Variants in CDH13 observed in about 807,000 individuals in gnomAD.
CDH13 encodes the protein cadherin-13.
In CDH13, 24 loss-of-function variants were observed where a neutral mutation model predicts 63.8. That is an observed-to-expected ratio of 0.38 (90% CI 0.27 to 0.53). CDH13 has a LOEUF of 0.53. Among genes scored for constraint, CDH13 ranks in the 20% least tolerant of loss-of-function variants. The probability of loss-of-function intolerance (pLI) is 0.85; values close to 1 mark genes in which losing one functional copy is unlikely to be tolerated. For synonymous variants in CDH13, 503 were observed against 355.3 expected, an observed-to-expected ratio of 1.42 and a Z score of -4.67; for missense variants, 1,049 against 903.1, an observed-to-expected ratio of 1.16 and a Z score of -2.07.
intron 8 of CDH13, among the ~76,000 whole-genome samples, chr16:83,636,700 G>A (rs374471522): frequency 1.4e-4 from 21 of 152,152 alleles, no homozygotes; most frequent in Admixed American, 4.6e-4. Context: ...TTGCTGTTGT[G>A]TATAGTGCTG....
intron 8 of CDH13, among the ~76,000 whole-genome samples, chr16:83,652,737 G>A (rs1020653766): frequency 1.3e-5 from 2 of 152,278 alleles, no homozygotes; most frequent in Non-Finnish European, 2.9e-5. Context: ...GTTAACAAAT[G>A]ACTTGAATCC....
intron 8 of CDH13, among the ~76,000 whole-genome samples, chr16:83,618,142 C>T (rs151107927): frequency 0.017 from 2,306 of 134,376 alleles, 30 homozygotes; most frequent in South Asian, 0.025. Context: ...AAAGCACTTG[C>T]GGCCAGGCAT....
At chr16:82,978,967 AG>A (rs1909897321) in intron 2 of CDH13, among the ~76,000 whole-genome samples, 2 of 152,180 alleles carry the variant, frequency 1.3e-5, no homozygotes, top group Admixed American at 1.3e-4. Context: ...TACCCTGCAA[AG>A]CCACAGGGGT....
chr16:82,869,971 A>G (rs2040287822), intron 2 of CDH13, among the ~76,000 whole-genome samples: 1 of 152,212 alleles, frequency 6.6e-6, no homozygotes. Context: ...ACAAAAATGG[A>G]CAAATGGGAT....
chr16:82,740,168 C>A (rs1436888397), intron 1 of CDH13, among the ~76,000 whole-genome samples: 1 of 152,194 alleles, frequency 6.6e-6, no homozygotes, highest in Non-Finnish European at 1.5e-5. Context: ...ACAATATGGA[C>A]TGAGCTCATA....
intron 1 of CDH13, among the ~76,000 whole-genome samples, chr16:82,670,581 G>A (rs551539480): frequency 2.0e-5 from 3 of 152,304 alleles, no homozygotes; most frequent in Admixed American, 6.5e-5. Flanking sequence ...TTGGGTAGAA[G>A]GACAGATGGG....
chr16:83,392,829 G>A (rs1203702022), intron 6 of CDH13, among the ~76,000 whole-genome samples: 1 of 152,126 alleles, frequency 6.6e-6, no homozygotes, highest in African/African-American at 2.4e-5. Flanking sequence ...GGAAAATCTC[G>A]GTGGAGGATG....
At chr16:83,268,795 C>T (rs535077362) in intron 5 of CDH13, among the ~76,000 whole-genome samples, 1 of 152,302 alleles carries the variant, frequency 6.6e-6, no homozygotes, top group Admixed American at 6.5e-5. Flanking sequence ...TGAAGCTGGG[C>T]ACAGGTTCCT....
At position 83,446,734 on chromosome 16, in the gene CDH13, A is replaced by G. The variant is rs190472958; in HGVS notation, c.782-39743A>G. On this transcript the variant is annotated intron_variant, in intron 6 of 13. Transcript: ENST00000567109. ...GTAGACTCCAATTATCTAGTCTGCT[A>G]CAACATGGAGAAATGACTGGGAAAG... 3.6e-3 allele frequency among the ~76,000 whole-genome samples: 546 copies of G among 152,270 alleles called. 5 individuals are homozygous for G. Among genetic ancestry groups the G allele is most frequent in the Non-Finnish European group, 5.8e-3 (396 of 68,020 alleles).
intron 6 of CDH13, among the ~76,000 whole-genome samples, chr16:83,431,266 C>T (rs951837123): frequency 1.1e-4 from 16 of 151,548 alleles, no homozygotes; most frequent in Non-Finnish European, 1.3e-4. Context: ...TGAATAATGC[C>T]GCAATAAACA....
In CDH13 at chr16:83,115,586, G is replaced by T. The variant is rs74030712; in HGVS notation, c.367-9799G>T. Among the ~76,000 whole-genome samples, 501 of 152,338 alleles carry T rather than the reference G, an allele frequency of 3.3e-3. 3 individuals are homozygous for T. The highest frequency in any genetic ancestry group is 0.011 in the African/African-American group (478 of 41,580). Reference sequence around the variant, plus strand: ...CGCTATTGCCTTGGAAGCAAATCCAGTCTTCTTACCTTGACTTACAAGACT... The same window carrying T: ...CGCTATTGCCTTGGAAGCAAATCCATTCTTCTTACCTTGACTTACAAGACT... On this transcript the variant is annotated intron_variant, in intron 3 of 13. Coordinates refer to ENST00000567109, the MANE Select transcript of CDH13 (RefSeq NM_001257.5).
At chr16:82,843,706 G>C (rs2039129505) in intron 1 of CDH13, among the ~76,000 whole-genome samples, 1 of 152,230 alleles carries the variant, frequency 6.6e-6, no homozygotes, top group Non-Finnish European at 1.5e-5. Context: ...TGACAAATCT[G>C]ACATCTTGTC....
chr16:82,920,182 G>C (rs1027293047), intron 2 of CDH13, among the ~76,000 whole-genome samples: 1 of 152,182 alleles, frequency 6.6e-6, no homozygotes, highest in Non-Finnish European at 1.5e-5. Flanking sequence ...CCCTCCACCA[G>C]GACTTCGTCT....
chr16:82,635,816 C>A (rs777587213), intron 1 of CDH13, among the ~76,000 whole-genome samples: 1 of 152,222 alleles, frequency 6.6e-6, no homozygotes, highest in African/African-American at 2.4e-5. Flanking sequence ...GATCAGAGGG[C>A]GGATTTCTCC....
chr16:82,987,659 G>A (rs926739597), intron 2 of CDH13, among the ~76,000 whole-genome samples: 5 of 152,188 alleles, frequency 3.3e-5, no homozygotes, highest in East Asian at 1.9e-4. Flanking sequence ...TTACAGGCAT[G>A]AGCCACTGTG....
At chr16:83,170,968 C>T (rs1597459474) in intron 4 of CDH13, among the ~76,000 whole-genome samples, 1 of 152,046 alleles carries the variant, frequency 6.6e-6, no homozygotes, top group African/African-American at 2.4e-5. Flanking sequence ...TACTCAACCT[C>T]CCCATCAGTC....
intron 3 of CDH13, among the ~76,000 whole-genome samples, chr16:83,111,001 G>GAAAAAAAAAAAA (rs2035029376): frequency 8.6e-5 from 1 of 11,622 alleles, no homozygotes; most frequent in Non-Finnish European, 1.8e-4. Flanking sequence ...TTAGGTTGTT[G>GAAAAAAAAAAAA]CAAAAAAAAA....
At chr16:82,651,489 C>G (rs1174333062) in intron 1 of CDH13, among the ~76,000 whole-genome samples, 3 of 152,214 alleles carry the variant, frequency 2.0e-5, no homozygotes, top group Non-Finnish European at 2.9e-5. Context: ...TCTTCTGACT[C>G]CATATTACTT....
intron 1 of CDH13, among the ~76,000 whole-genome samples, chr16:82,801,580 G>C (rs1277465307): frequency 6.6e-6 from 1 of 152,180 alleles, no homozygotes. Flanking sequence ...ACTACTGGAT[G>C]CTGACTCAAG....
Sources: gnomAD v4.1 joint callset for allele counts (sites outside exome capture counted in the v4.1 genomes callset) on GRCh38, gnomAD v4.1.1 for gene constraint, MANE v1.5 for transcripts, NCBI Gene and HGNC (gene_info 2026-07-23, HGNC 2026-07-21) for gene names.